The following PRKN variants were observed in gnomAD, a reference collection of about 807,000 sequenced individuals.
The protein encoded by PRKN is E3 ubiquitin-protein ligase parkin.
In PRKN, 56 loss-of-function variants were observed where a neutral mutation model predicts 59.5. That is an observed-to-expected ratio of 0.94 (90% CI 0.76 to 1.18). The LOEUF (loss-of-function observed/expected upper bound fraction) is 1.18. Among genes scored for constraint, PRKN ranks in the 50% most tolerant of loss-of-function variants. The pLI is 0.00. For synonymous variants in PRKN, 250 were observed against 222.1 expected, an observed-to-expected ratio of 1.13 and a Z score of -1.12; for missense variants, 657 against 596.4, an observed-to-expected ratio of 1.10 and a Z score of -1.06.
At position 162,567,250 on chromosome 6, in the gene PRKN, G is replaced by A. The variant is rs532205034; in HGVS notation, c.8-123777C>T. 2.6e-5 allele frequency among the ~76,000 whole-genome samples: 4 copies of A among 152,248 alleles called. No individual in the cohort carries two copies. The East Asian group carries it at 7.7e-4, about 29-fold the overall frequency. ...GATGTCACCACTGTTATTCAACATA[G>A]TACTGGAAGTCCTAGCTAGAGCAAT... is the stretch of plus-strand genomic sequence containing the variant. On this transcript the variant is annotated intron_variant, in intron 1 of 11. Coordinates refer to ENST00000366898, the MANE Select transcript of PRKN (RefSeq NM_004562.3).
chr6:161,858,357 C>T (rs529598848), intron 6 of PRKN, among the ~76,000 whole-genome samples: 1 of 152,144 alleles, frequency 6.6e-6, no homozygotes, highest in Non-Finnish European at 1.5e-5. Context: ...GCATATTTAA[C>T]ATTGGTTCTC....
At chr6:161,873,179 G>C (rs1794414764) in intron 6 of PRKN, among the ~76,000 whole-genome samples, 1 of 151,812 alleles carries the variant, frequency 6.6e-6, no homozygotes, top group Non-Finnish European at 1.5e-5. Flanking sequence ...GTCAGTGTGT[G>C]TCTCTTCCTT....
chr6:162,359,254 A>G (rs1368047030), intron 2 of PRKN, among the ~76,000 whole-genome samples: 1 of 151,796 alleles, frequency 6.6e-6, no homozygotes, highest in African/African-American at 2.4e-5. Context: ...TGATTGAATA[A>G]ATTAACTTAT....
intron 4 of PRKN, among the ~76,000 whole-genome samples, chr6:162,100,162 C>A (rs949250053): frequency 6.6e-6 from 1 of 152,112 alleles, no homozygotes; most frequent in African/African-American, 2.4e-5. Flanking sequence ...AACACATTTT[C>A]TTTATTCATT....
At chr6:162,201,276 G>A (rs1378458736) in intron 3 of PRKN, 24 bp from the exon 4 acceptor site, 1 of 1,612,406 alleles carries the variant, frequency 6.2e-7, no homozygotes, top group Non-Finnish European at 8.5e-7. Context: ...AGCAGAAGAA[G>A]TGGCTAATAA....
intron 2 of PRKN, among the ~76,000 whole-genome samples, chr6:162,372,445 G>A (rs1346590339): frequency 6.6e-6 from 1 of 152,154 alleles, no homozygotes; most frequent in Non-Finnish European, 1.5e-5. Flanking sequence ...CGACAGCCCT[G>A]TAAGATGGTA....
At chr6:161,977,076 C>T (rs942645933) in intron 5 of PRKN, among the ~76,000 whole-genome samples, 2 of 152,178 alleles carry the variant, frequency 1.3e-5, no homozygotes, top group Non-Finnish European at 2.9e-5. Flanking sequence ...AATTTCAGTG[C>T]TTTCTCCACC....
At chr6:162,386,860 A>T (rs562220925) in intron 2 of PRKN, among the ~76,000 whole-genome samples, 1 of 152,172 alleles carries the variant, frequency 6.6e-6, no homozygotes. Flanking sequence ...GTAATGTTTT[A>T]TGACTAAGCA....
At chr6:162,635,135 C>T (rs1452071846) in intron 1 of PRKN, among the ~76,000 whole-genome samples, 1 of 152,132 alleles carries the variant, frequency 6.6e-6, no homozygotes, top group Non-Finnish European at 1.5e-5. Flanking sequence ...CCTGGGTGCT[C>T]ACAAGAGTCA....
At position 161,467,674 on chromosome 6, in the gene PRKN, G is replaced by C. The variant is rs1259789966; in HGVS notation, c.1084-80797C>G. Reference sequence around the variant, plus strand: ...CAAAGGATGTGCAGGAGCGACAGAGGCTGCAAATGCCTGCCCAATATTCAT... The same window carrying C: ...CAAAGGATGTGCAGGAGCGACAGAGCCTGCAAATGCCTGCCCAATATTCAT... On this transcript the variant is annotated intron_variant, in intron 9 of 11. Coordinates refer to ENST00000366898, the MANE Select transcript of PRKN (RefSeq NM_004562.3). The surrounding 1 kb of genome is among the most constrained non-coding windows in gnomAD (Gnocchi z 4.3). Among the ~76,000 whole-genome samples the C allele has an allele frequency of 6.6e-6, 1 of 152,156 alleles. No homozygotes were observed. The highest frequency in any genetic ancestry group is 1.5e-5 in the Non-Finnish European group (1 of 68,024).
At chr6:161,758,088 G>C (rs1368128533) in intron 7 of PRKN, among the ~76,000 whole-genome samples, 4 of 151,426 alleles carry the variant, frequency 2.6e-5, no homozygotes, top group Non-Finnish European at 2.9e-5. Flanking sequence ...GTGTTGAGTA[G>C]GAACTGGAGC....
At chr6:161,436,747 G>C (rs1362089177) in intron 9 of PRKN, among the ~76,000 whole-genome samples, 3 of 152,052 alleles carry the variant, frequency 2.0e-5, no homozygotes. Flanking sequence ...AGGCCACCTG[G>C]ATTAAGAGCC....
At chr6:161,626,622 T>A (rs1219590352) in intron 7 of PRKN, among the ~76,000 whole-genome samples, 1 of 152,202 alleles carries the variant, frequency 6.6e-6, no homozygotes, top group African/African-American at 2.4e-5. Context: ...TTTGCCAGCC[T>A]AGGCTCTGCT....
chr6:161,537,505 T>G (rs188943116), intron 9 of PRKN, among the ~76,000 whole-genome samples: 236 of 151,970 alleles, frequency 1.6e-3, no homozygotes, highest in Non-Finnish European at 2.2e-3. Flanking sequence ...AGGCTGGAGT[T>G]TAGTGGCGTG....
intron 3 of PRKN, among the ~76,000 whole-genome samples, chr6:162,236,988 C>A (rs563826641): frequency 4.6e-5 from 7 of 152,196 alleles, no homozygotes; most frequent in Admixed American, 1.3e-4. Flanking sequence ...GCCTGCAGAT[C>A]TTATGGTCAG....
intron 7 of PRKN, among the ~76,000 whole-genome samples, chr6:161,656,595 C>T (rs909680988): frequency 6.6e-6 from 1 of 152,108 alleles, no homozygotes; most frequent in Non-Finnish European, 1.5e-5. Context: ...ACGTTTCAGT[C>T]CTTTAACCAG....
rs946219883 is a variant in PRKN at position 161,379,731 on chromosome 6, C to T, written c.1167+7063G>A. Among the ~76,000 whole-genome samples, 5 of 152,236 alleles carry T rather than the reference C, an allele frequency of 3.3e-5. No homozygotes were observed. The highest frequency in any genetic ancestry group is 2.6e-4 in the Admixed American group (4 of 15,284). Reference sequence around the variant, plus strand: ...ACAACAACTCAGAAGGCTCATCCAGCTCCAGAGCTCCTTCTAGGACCTGCT... The same window carrying T: ...ACAACAACTCAGAAGGCTCATCCAGTTCCAGAGCTCCTTCTAGGACCTGCT... On this transcript the variant is annotated intron_variant, in intron 10 of 11. Transcript: ENST00000366898. This position sits in a 1 kb window ranked among gnomAD's most constrained non-coding sequence, Gnocchi z 4.9.
intron 1 of PRKN, among the ~76,000 whole-genome samples, chr6:162,667,980 A>T (rs142474339): frequency 1.8e-4 from 27 of 152,304 alleles, no homozygotes; most frequent in Middle Eastern, 3.4e-3. Flanking sequence ...CTTATTTTCA[A>T]ATAGATAACT....
chr6:161,610,778 G>T (rs1050911707), intron 7 of PRKN, among the ~76,000 whole-genome samples: 1 of 152,128 alleles, frequency 6.6e-6, no homozygotes, highest in Non-Finnish European at 1.5e-5. Context: ...GATGCCAGGA[G>T]GGGCCTGGGC....
Sources: allele counts gnomAD v4.1 joint callset (sites outside exome capture counted in the v4.1 genomes callset), GRCh38; gene constraint gnomAD v4.1.1; non-coding constraint Gnocchi (gnomAD v3.1); transcripts MANE v1.5; gene names NCBI Gene and HGNC (gene_info 2026-07-23, HGNC 2026-07-21).